RAB11FIP1: variants seen among roughly 807,000 people sequenced by gnomAD.
RAB11FIP1 encodes the protein RAB11 family interacting protein 1, also known as rab11 family-interacting protein 1.
RAB11FIP1 carries 49 observed loss-of-function variants against 83.1 expected under a neutral mutation model. The ratio of observed to expected loss-of-function variants is 0.59; its 90% CI spans 0.47 to 0.75. The LOEUF (loss-of-function observed/expected upper bound fraction) is 0.75, where lower values mean the gene tolerates loss of function less well. RAB11FIP1 is among the 30% of genes least tolerant of loss of function. RAB11FIP1 has a pLI of 0.00. For missense variants in RAB11FIP1, 1,536 were observed against 1,598.7 expected, an observed-to-expected ratio of 0.96 and a Z score of 0.67; for synonymous variants, 670 against 656.0, an observed-to-expected ratio of 1.02 and a Z score of -0.33.
chr8:37,871,090 T>C (rs557836074), intron 4 of RAB11FIP1, 188 bp downstream of exon 4: 1 of 669,834 alleles, frequency 1.5e-6, no homozygotes, highest in African/African-American at 1.8e-5. Flanking sequence ...ACTACTATTA[T>C]GTTCTTGCTA....
chr8:37,872,466 G>A lies in RAB11FIP1; in HGVS notation c.2336C>T (p.Ala779Val). The change falls in exon 4 of 6, where the codon GCA (alanine) becomes GTA (valine). Residue 779 changes from alanine (A) to valine (V), a missense_variant. Transcript: ENST00000330843. ...EEVAPPLPMG[A>V]SVPSIDSMMR... ...CATGGAATCAATGGAAGGGACTGAT[G>A]CTCCCATGGGAAGAGGGGGCGCCAC... 2.5e-6 allele frequency: 4 copies of A among 1,614,148 alleles called. No homozygotes were observed. The South Asian group carries it at 3.3e-5, about 13-fold the overall frequency.
chr8:37,876,587 G>T (rs552969260), intron 2 of RAB11FIP1, among the ~76,000 whole-genome samples: 10 of 151,152 alleles, frequency 6.6e-5, no homozygotes, highest in Non-Finnish European at 1.5e-4. Context: ...AATAGAGCAA[G>T]ACCCTGTCTC....
intron 1 of RAB11FIP1, among the ~76,000 whole-genome samples, chr8:37,881,473 CAT>C (rs1299647506): frequency 6.6e-6 from 1 of 152,188 alleles, no homozygotes; most frequent in Non-Finnish European, 1.5e-5. Flanking sequence ...AGGAAACTAA[CAT>C]AGCTTGCCAT....
At chr8:37,864,201 C>T (rs1275277657) in intron 5 of RAB11FIP1, among the ~76,000 whole-genome samples, 3 of 152,230 alleles carry the variant, frequency 2.0e-5, no homozygotes, top group African/African-American at 2.4e-5. Context: ...GTTCCACTCC[C>T]GAGGAGAGCA....
intron 1 of RAB11FIP1, among the ~76,000 whole-genome samples, chr8:37,886,672 G>C (rs1235551183): frequency 2.0e-5 from 3 of 152,162 alleles, no homozygotes; most frequent in African/African-American, 4.8e-5. Flanking sequence ...TGATGGCCTC[G>C]AGTGAGGAAA....
At chr8:37,886,463 G>A (rs1203314285) in intron 1 of RAB11FIP1, among the ~76,000 whole-genome samples, 1 of 152,206 alleles carries the variant, frequency 6.6e-6, no homozygotes, top group Non-Finnish European at 1.5e-5. Context: ...GAAAGGCCAG[G>A]CAAGGAGGAC....
At chr8:37,863,196 G>A in intron 5 of RAB11FIP1, 83 bp from the exon 6 acceptor site, 3 of 1,063,944 alleles carry the variant, frequency 2.8e-6, no homozygotes, top group Admixed American at 2.1e-5. Flanking sequence ...TACAAAGGAG[G>A]AAAAAGTGAC....
At chr8:37,873,484 T>C (rs1166599106) in intron 3 of RAB11FIP1, among the ~76,000 whole-genome samples, 1 of 152,032 alleles carries the variant, frequency 6.6e-6, no homozygotes, top group East Asian at 1.9e-4. Context: ...TGTGCACCTG[T>C]AGTCCCAGCT....
chr8:37,895,245 ATATATATATATATATTTTTTTT>A (rs1173623207), intron 1 of RAB11FIP1, among the ~76,000 whole-genome samples: 3 of 9,754 alleles, frequency 3.1e-4, no homozygotes, highest in African/African-American at 4.4e-4. Context: ...ATATATATAT[ATATATATATATATATTTTTTTT>A]TTTTTTTTTT....
intron 5 of RAB11FIP1, among the ~76,000 whole-genome samples, chr8:37,869,044 A>T (rs1461477210): frequency 6.6e-6 from 1 of 152,008 alleles, no homozygotes; most frequent in Non-Finnish European, 1.5e-5. Context: ...CCTGAGCAAC[A>T]TGATGAAACC....
Position 37,871,847 on chromosome 8 carries a change from A to G in RAB11FIP1, c.2955T>C (p.Asp985=), listed in dbSNP as rs867686235. 3.8e-5 allele frequency: 61 copies of G among 1,614,120 alleles called. 9 individuals carry two copies. The Middle Eastern group carries it at 9.1e-3, about 240-fold the overall frequency. Residue 985 remains aspartate, a synonymous_variant, in exon 4 of 6, where the codon GAT becomes GAC. Coordinates refer to ENST00000330843, the MANE Select transcript of RAB11FIP1 (RefSeq NM_001002814.3). ...VEDDGDQVED[D]GETAKSSTLD... is the part of the protein sequence containing the mutation. ...GAGTTGACGACTTTGCTGTCTCTCC[A>G]TCATCTTCAACCTGATCTCCGTCAT...
chr8:37,875,910 T>C (rs1806596890), intron 2 of RAB11FIP1, among the ~76,000 whole-genome samples: 3 of 152,132 alleles, frequency 2.0e-5, no homozygotes, highest in Non-Finnish European at 4.4e-5. Flanking sequence ...GGAAAAGGAA[T>C]TTATACATTC....
Position 37,871,783 on chromosome 8 carries a change from A to G in RAB11FIP1, c.3019T>C (p.Cys1007Arg). 1 of 1,614,108 alleles carries G rather than the reference A, an allele frequency of 6.2e-7. No homozygotes were observed. The highest frequency in any genetic ancestry group is 1.1e-5 in the South Asian group (1 of 91,074). The change falls in exon 4 of 6, where the codon TGT becomes CGT. Residue 1007 changes from cysteine to arginine, a missense_variant. Cys to Arg is a radical substitution (Grantham distance 180). Coordinates refer to ENST00000330843, the MANE Select transcript of RAB11FIP1 (RefSeq NM_001002814.3). ...CTGGGCCCCTTTCCCCTCTCAGGAC[A>G]GGGGACTACCAAGCCCAAGGACAAA... Reference protein sequence around the residue: ...GALSLGLVVPCPERGKGPSGE... With the variant: ...GALSLGLVVPRPERGKGPSGE...
chr8:37,867,831 G>A (rs1347158501), intron 5 of RAB11FIP1, among the ~76,000 whole-genome samples: 1 of 152,188 alleles, frequency 6.6e-6, no homozygotes, highest in Non-Finnish European at 1.5e-5. Flanking sequence ...GCAATCATCA[G>A]TTATGATTAC....
rs779131733 is a variant in RAB11FIP1, at chr8:37,863,019, T to C, written c.3728A>G (p.Lys1243Arg). The C allele has an allele frequency of 2.5e-6, 4 of 1,613,810 alleles. No homozygotes were observed. Among genetic ancestry groups the C allele is most frequent in the Non-Finnish European group, 3.4e-6 (4 of 1,180,006 alleles). ...CAGCTCGCGGACCTGGAACTCCTTC[T>C]TGCTTATCGTTTCCTTCTGTTTGAG... ...LVLKQKETIS[K>R]KEFQVRELED... The change falls in exon 6 of 6, where the codon AAG becomes AGG. Residue 1243 changes from lysine to arginine, a missense_variant. Physicochemically the swap from Lys to Arg is conservative, Grantham distance 26. Coordinates refer to ENST00000330843, the MANE Select transcript of RAB11FIP1 (RefSeq NM_001002814.3).
chr8:37,872,706 G>A lies in RAB11FIP1; in HGVS notation c.2096C>T (p.Thr699Ile). 3 of 1,614,208 alleles carry A rather than the reference G, an allele frequency of 1.9e-6. No individual in the cohort carries two copies. Among genetic ancestry groups the A allele is most frequent in the Non-Finnish European group, 2.5e-6 (3 of 1,180,024 alleles). The change falls in exon 4 of 6, where the codon ACA (threonine) becomes ATA (isoleucine). Residue 699 changes from threonine (T) to isoleucine (I), a missense_variant. Transcript: ENST00000330843. ...LEESLPEQPE[T>I]GRQEEELPRF... ...CGGAAGTTCTTCCTCTTGTCGCCCT[G>A]TTTCAGGCTGCTCTGGGAGAGACTC...
intron 3 of RAB11FIP1, among the ~76,000 whole-genome samples, chr8:37,873,771 C>T (rs1375555380): frequency 6.6e-6 from 1 of 152,094 alleles, no homozygotes; most frequent in African/African-American, 2.4e-5. Context: ...TTGATTATTA[C>T]AGGACAAAAT....
At chr8:37,885,184 G>T (rs1351266608) in intron 1 of RAB11FIP1, among the ~76,000 whole-genome samples, 1 of 149,626 alleles carries the variant, frequency 6.7e-6, no homozygotes, top group South Asian at 2.1e-4. Context: ...TAGTAGAGAC[G>T]GGGTTTCACC....
Position 37,873,097 on chromosome 8 carries a change from AAGGAAGAGG to A in RAB11FIP1, c.1696_1704del (p.Pro566_Pro568del), listed in dbSNP as rs1477644690. ...GGGACAGATGCCTGGCCAGAGCTAG[AAGGAAGAGG>A]AGGAAGAGAGGAAGGGGAGTCAGTA... On this transcript the variant is annotated inframe_deletion, in exon 4 of 6. Transcript: ENST00000330843. 1 of 1,613,820 alleles carries A rather than the reference AAGGAAGAGG, an allele frequency of 6.2e-7. No individual in the cohort carries two copies. Among genetic ancestry groups the A allele is most frequent in the African/African-American group, 1.3e-5 (1 of 74,930 alleles).
Sources: allele counts gnomAD v4.1 joint callset (sites outside exome capture counted in the v4.1 genomes callset), GRCh38; gene constraint gnomAD v4.1.1; transcripts MANE v1.5; gene names NCBI Gene and HGNC (gene_info 2026-07-23, HGNC 2026-07-21).